Variants in HHLA2 observed in about 807,000 individuals in gnomAD.
HHLA2 encodes the protein HERV-H LTR-associating protein 2.
In HHLA2, 48 loss-of-function variants were observed where a neutral mutation model predicts 45.9. The observed-to-expected ratio is 1.05, with a 90% CI of 0.83 to 1.33. HHLA2 has a LOEUF of 1.33. Among genes scored for constraint, HHLA2 ranks in the 40% most tolerant of loss-of-function variants. The pLI, the probability that HHLA2 is intolerant of heterozygous loss-of-function variation, is 0.00. For missense variants in HHLA2, 462 were observed against 494.3 expected (o/e 0.93, Z 0.62); for synonymous variants, 161 against 173.9 (o/e 0.93, Z 0.59).
At chr3:108,339,023 TAAA>T (rs1305552191) in intron 3 of HHLA2, among the ~76,000 whole-genome samples, 1 of 152,192 alleles carries the variant, frequency 6.6e-6, no homozygotes, top group Non-Finnish European at 1.5e-5. Context: ...CTTTTGAAAG[TAAA>T]AGAGGCTACT....
chr3:108,333,672 A>G (rs1560220009), intron 3 of HHLA2, among the ~76,000 whole-genome samples: 1 of 151,894 alleles, frequency 6.6e-6, no homozygotes, highest in Non-Finnish European at 1.5e-5. Context: ...GAGGAAAAAA[A>G]CTTTTTAAGA....
At chr3:108,334,510 T>TTCAAAAA (rs2081438940) in intron 3 of HHLA2, among the ~76,000 whole-genome samples, 1 of 152,190 alleles carries the variant, frequency 6.6e-6, no homozygotes, top group South Asian at 2.1e-4. Flanking sequence ...GCTCTCCTAT[T>TTCAAAAA]GTAATAGACT....
At chr3:108,372,594 GAAGAA>G (rs1475117060) in intron 8 of HHLA2, among the ~76,000 whole-genome samples, 1 of 151,726 alleles carries the variant, frequency 6.6e-6, no homozygotes, top group Non-Finnish European at 1.5e-5. Context: ...GACTAATAAA[GAAGAA>G]AAGAGAGAAG....
At chr3:108,318,779 G>T (rs544078864) in intron 2 of HHLA2, among the ~76,000 whole-genome samples, 1 of 152,210 alleles carries the variant, frequency 6.6e-6, no homozygotes, top group South Asian at 2.1e-4. Context: ...TGTTGATCCT[G>T]CTTCTTACAA....
chr3:108,342,767 T>C (rs2081596044), intron 3 of HHLA2, among the ~76,000 whole-genome samples: 2 of 152,200 alleles, frequency 1.3e-5, no homozygotes, highest in Non-Finnish European at 2.9e-5. Context: ...TGCTGCTGCA[T>C]CTTTGTTCTA....
intron 8 of HHLA2, among the ~76,000 whole-genome samples, chr3:108,371,042 G>C (rs190566455): frequency 6.6e-4 from 100 of 152,246 alleles, no homozygotes; most frequent in Admixed American, 2.3e-3. Context: ...CACCAAAGTT[G>C]AAATGAAGGA....
intron 2 of HHLA2, chr3:108,326,893 T>C (rs2081299019): frequency 6.6e-6 from 1 of 152,208 alleles, no homozygotes; most frequent in South Asian, 2.1e-4. Flanking sequence ...CTTATTTAAA[T>C]TTGCCCTATA....
intron 1 of HHLA2, among the ~76,000 whole-genome samples, chr3:108,304,979 A>G (rs1456481503): frequency 6.6e-6 from 1 of 152,186 alleles, no homozygotes; most frequent in African/African-American, 2.4e-5. Context: ...TTTTACAGGG[A>G]CTATTTCTAA....
At position 108,355,417 on chromosome 3, in the gene HHLA2, T is replaced by C. The variant is rs141693889; in HGVS notation, c.685+36T>C. On this transcript the variant is annotated intron_variant, in intron 6 of 10. Transcript: ENST00000619531. Reference sequence around the variant, plus strand: ...CAGGACTTTCTGTGTACACGTGCTGTTTCAAAGTTGGGGGGTAATGGGGAC... The same window carrying C: ...CAGGACTTTCTGTGTACACGTGCTGCTTCAAAGTTGGGGGGTAATGGGGAC... 8.0e-4 allele frequency: 1,272 copies of C among 1,580,432 alleles called. 11 individuals are homozygous for C. The African/African-American group carries it at 0.015, about 18-fold the overall frequency.
rs573648757 is a variant in HHLA2, at chr3:108,338,070, C to T, written c.-27+9723C>T. On this transcript the variant is annotated intron_variant, in intron 3 of 10. Coordinates refer to ENST00000619531, the Ensembl canonical transcript of HHLA2. The stretch of plus-strand genomic sequence containing the variant: ...AAATGTATATAAGTGTATGTACAAA[C>T]GCACACACACATATGTATATATGTA... Among the ~76,000 whole-genome samples, 167 of 151,750 alleles carry T rather than the reference C, an allele frequency of 1.1e-3. 1 individual carries two copies. Among genetic ancestry groups the T allele is most frequent in the Admixed American group, 8.5e-4 (13 of 15,232 alleles).
chr3:108,349,654 T>G lies in HHLA2; in HGVS notation c.-26-2134T>G, dbSNP rs181412267. On this transcript the variant is annotated intron_variant, in intron 3 of 10. Transcript: ENST00000619531. ...CCCTAACTCATTTTATGGGACAAAT[T>G]TCTTGAATACAGAAAGGTGTGAGAT... Among the ~76,000 whole-genome samples, 423 of 152,258 alleles carry G rather than the reference T, an allele frequency of 2.8e-3. 4 individuals are homozygous for G. Among genetic ancestry groups the G allele is most frequent in the African/African-American group, 9.7e-3 (403 of 41,558 alleles).
intron 7 of HHLA2, 62 bp from the exon 7 acceptor site, chr3:108,362,280 C>T (rs2081994671): frequency 1.6e-6 from 2 of 1,218,110 alleles, no homozygotes; most frequent in Non-Finnish European, 2.4e-6. Context: ...CCCACCCACA[C>T]ATTTCTTATC....
Position 108,362,465 on chromosome 3 carries a change from C to T in HHLA2, c.1108+19C>T, listed in dbSNP as rs1414936426. 1.3e-6 allele frequency: 2 copies of T among 1,509,396 alleles called. No individual in the cohort carries two copies. The highest frequency in any genetic ancestry group is 3.6e-5 in the Admixed American group (2 of 56,326). The allele number at this position is 1,509,396 out of a possible 1,614,324, so 93.5% of individuals were successfully genotyped here. On this transcript the variant is annotated intron_variant, in intron 8 of 10. Transcript: ENST00000619531. ...TGCAGAGGTAATAGAAGAATTTGGG[C>T]TCTGCCCCACGTGTTCCACATCACG...
At chr3:108,332,225 G>C (rs982862384) in intron 3 of HHLA2, among the ~76,000 whole-genome samples, 2 of 152,076 alleles carry the variant, frequency 1.3e-5, no homozygotes, top group Admixed American at 1.3e-4. Context: ...CAGAAAAATG[G>C]AGGCTACTTA....
At chr3:108,375,833 T>G (rs781751722) in intron 9 of HHLA2, 33 bp downstream of exon 8, 2 of 1,605,250 alleles carry the variant, frequency 1.2e-6, no homozygotes, top group Non-Finnish European at 1.7e-6. Context: ...AAGAATGGAT[T>G]CTGGTTCTGG....
At chr3:108,351,932 G>A (rs2081785753) in intron 4 of HHLA2, 55 bp downstream of exon 3, 5 of 1,227,892 alleles carry the variant, frequency 4.1e-6, no homozygotes, top group African/African-American at 3.0e-5. Flanking sequence ...ATAGAAACAT[G>A]AGCACACAAT....
chr3:108,301,147 G>T (rs6794038), intron 1 of HHLA2, among the ~76,000 whole-genome samples: 24,286 of 151,938 alleles, frequency 0.16, 3,251 homozygotes, highest in East Asian at 0.75. Context: ...CCAAACCAAT[G>T]TTCCCTATTG....
intron 2 of HHLA2, among the ~76,000 whole-genome samples, chr3:108,313,152 C>T (rs2081048318): frequency 6.6e-6 from 1 of 152,128 alleles, no homozygotes; most frequent in Admixed American, 6.5e-5. Flanking sequence ...GTTAGAAATG[C>T]AAGTCTGTTT....
chr3:108,298,391 A>C (rs1401556973), intron 1 of HHLA2, among the ~76,000 whole-genome samples: 1 of 152,200 alleles, frequency 6.6e-6, no homozygotes. Context: ...ACACAATACT[A>C]TCTTTATAAC....
Sources: allele counts gnomAD v4.1 joint callset (sites outside exome capture counted in the v4.1 genomes callset), GRCh38; gene constraint gnomAD v4.1.1; transcripts MANE v1.5; gene names NCBI Gene and HGNC (gene_info 2026-07-23, HGNC 2026-07-21).